The following SEMA3C variants were observed in gnomAD, a reference collection of about 807,000 sequenced individuals.
SEMA3C encodes semaphorin 3C.
Under a neutral mutation model 89.4 loss-of-function variants are expected in SEMA3C, and 47 were observed. That is an observed-to-expected ratio of 0.53 (90% CI 0.42 to 0.67). The LOEUF (loss-of-function observed/expected upper bound fraction) is 0.67, where lower values mean the gene tolerates loss of function less well. Ranked by LOEUF, SEMA3C falls within the 30% of genes least tolerant of loss-of-function variation. SEMA3C has a pLI of 0.00. For synonymous variants in SEMA3C, 310 were observed against 320.2 expected (o/e 0.97, Z 0.34); for missense variants, 839 against 929.1 (o/e 0.90, Z 1.26).
At chr7:80,789,872 G>A (rs1473598410) in intron 11 of SEMA3C, among the ~76,000 whole-genome samples, 2 of 151,998 alleles carry the variant, frequency 1.3e-5, no homozygotes, top group South Asian at 2.1e-4. Context: ...AAAAACTAGT[G>A]GACACAATCT....
chr7:80,891,316 G>C (rs958712283), intron 2 of SEMA3C, among the ~76,000 whole-genome samples: 2 of 151,998 alleles, frequency 1.3e-5, no homozygotes, highest in Non-Finnish European at 2.9e-5. Flanking sequence ...TCCTCACTTT[G>C]CAAAACCTGT....
intron 5 of SEMA3C, among the ~76,000 whole-genome samples, chr7:80,816,797 T>C (rs1035525371): frequency 3.3e-5 from 5 of 152,230 alleles, no homozygotes; most frequent in African/African-American, 1.2e-4. Context: ...GTAGTTCATA[T>C]TTAGCAAAGT....
intron 2 of SEMA3C, among the ~76,000 whole-genome samples, chr7:80,852,517 ACAAT>A (rs1281159477): frequency 6.6e-6 from 1 of 152,206 alleles, no homozygotes; most frequent in African/African-American, 2.4e-5. Context: ...CGCAAAGGAA[ACAAT>A]CAACAAAGTG....
chr7:80,746,411 G>A (rs1321175044), intron 17 of SEMA3C, among the ~76,000 whole-genome samples: 1 of 145,262 alleles, frequency 6.9e-6, no homozygotes, highest in Non-Finnish European at 1.5e-5. Context: ...AAAACAAATT[G>A]TGTATAAACA....
chr7:80,899,712 C>T (rs1022948767), intron 2 of SEMA3C, among the ~76,000 whole-genome samples: 4 of 152,068 alleles, frequency 2.6e-5, no homozygotes, highest in African/African-American at 9.7e-5. Flanking sequence ...CTTCTCAGCC[C>T]CCATCAGTCC....
chr7:80,753,882 TGA>T (rs1787993854), intron 15 of SEMA3C, among the ~76,000 whole-genome samples: 1 of 152,208 alleles, frequency 6.6e-6, no homozygotes, highest in Admixed American at 6.5e-5. Context: ...TTAAGAGACT[TGA>T]GAGTGAAAAT....
intron 2 of SEMA3C, among the ~76,000 whole-genome samples, chr7:80,876,613 A>ACACCAAATT (rs1791209392): frequency 6.6e-6 from 1 of 152,248 alleles, no homozygotes; most frequent in Non-Finnish European, 1.5e-5. Flanking sequence ...AAATAATGAG[A>ACACCAAATT]ATGTTACCAA....
intron 2 of SEMA3C, among the ~76,000 whole-genome samples, chr7:80,836,482 A>G (rs1322669345): frequency 6.6e-6 from 1 of 152,140 alleles, no homozygotes; most frequent in African/African-American, 2.4e-5. Context: ...GTTTGAGACA[A>G]GCCTGGCCAA....
Position 80,789,449 on chromosome 7 carries a change from T to C in SEMA3C, c.1211A>G (p.His404Arg), listed in dbSNP as rs1788883440. ...PDDVVTFIRN[H>R]PLMYNSIYPI... ...GTAGATGGAATTGTACATGAGAGGA[T>C]GGTTCCGAATAAAAGTGACAACATC... The change falls in exon 12 of 18, where the codon CAT (histidine) becomes CGT (arginine). Residue 404 changes from histidine to arginine, a missense_variant. By Grantham distance (29) the His-to-Arg change is conservative. Transcript: ENST00000265361. The C allele has an allele frequency of 6.2e-7, 1 of 1,613,952 alleles. No homozygotes were observed. Among genetic ancestry groups the C allele is most frequent in the Admixed American group, 1.7e-5 (1 of 59,974 alleles).
intron 12 of SEMA3C, among the ~76,000 whole-genome samples, chr7:80,788,949 A>T (rs1341630315): frequency 1.3e-5 from 2 of 152,182 alleles, no homozygotes; most frequent in Admixed American, 1.3e-4. Flanking sequence ...GACAAGAAGA[A>T]GTTTTTCACA....
intron 15 of SEMA3C, 106 bp from the exon 16 acceptor site, chr7:80,751,442 T>C: frequency 1.0e-6 from 1 of 955,704 alleles, no homozygotes; most frequent in Non-Finnish European, 1.6e-6. Flanking sequence ...ATTGCTAAGC[T>C]TTCATAAAAT....
In SEMA3C at chr7:80,744,863, A is replaced by T; in HGVS notation, c.*31T>A. On this transcript the variant is annotated 3_prime_UTR_variant, in exon 18 of 18. Transcript: ENST00000265361. Reference sequence around the variant, plus strand: ...GATCATTGAAGACAGAGCATTTGTTAATGGAAGCATAAGACCCACATAAGA... The same window carrying T: ...GATCATTGAAGACAGAGCATTTGTTTATGGAAGCATAAGACCCACATAAGA... The T allele has an allele frequency of 1.2e-6, 2 of 1,610,560 alleles. No individual in the cohort carries two copies. The highest frequency in any genetic ancestry group is 1.7e-6 in the Non-Finnish European group (2 of 1,177,338).
intron 12 of SEMA3C, among the ~76,000 whole-genome samples, chr7:80,781,546 C>T (rs545781318): frequency 2.2e-4 from 33 of 152,240 alleles, no homozygotes; most frequent in East Asian, 9.7e-4. Flanking sequence ...CTGCAAAAAC[C>T]GCCACCACAA....
chr7:80,879,206 T>C (rs1791276024), intron 2 of SEMA3C, among the ~76,000 whole-genome samples: 1 of 148,874 alleles, frequency 6.7e-6, no homozygotes, highest in Non-Finnish European at 1.5e-5. Flanking sequence ...GAAGGATTAT[T>C]AAAAAAAAAA....
Position 80,749,037 on chromosome 7 carries a change from C to A in SEMA3C, c.1712-9G>T. The stretch of plus-strand genomic sequence containing the variant: ...AGCTGCATTTCTGTATGCTAGCAGG[C>A]AAAAATAAAAGGCGAGAGAGAAAGA... On this transcript the variant is annotated splice_polypyrimidine_tract_variant and intron_variant, in intron 16 of 17. Transcript: ENST00000265361. 1.9e-6 allele frequency: 3 copies of A among 1,586,632 alleles called. No individual in the cohort carries two copies. Among genetic ancestry groups the A allele is most frequent in the Admixed American group, 1.9e-5 (1 of 53,728 alleles).
intron 2 of SEMA3C, among the ~76,000 whole-genome samples, chr7:80,858,736 A>G (rs1313418819): frequency 6.6e-6 from 1 of 152,184 alleles, no homozygotes; most frequent in Non-Finnish European, 1.5e-5. Context: ...CAAAATGCAT[A>G]CATATTAGAG....
intron 2 of SEMA3C, among the ~76,000 whole-genome samples, chr7:80,888,099 G>A (rs1348157233): frequency 2.0e-5 from 3 of 152,082 alleles, no homozygotes; most frequent in Non-Finnish European, 4.4e-5. Flanking sequence ...AATGATTCCT[G>A]AGTCTCTAGG....
intron 15 of SEMA3C, among the ~76,000 whole-genome samples, chr7:80,755,429 T>C (rs1788043355): frequency 6.7e-6 from 1 of 150,204 alleles, no homozygotes; most frequent in African/African-American, 2.5e-5. Context: ...ACTTGAGAAA[T>C]ATTATTTGTT....
chr7:80,855,640 G>A (rs549472702), intron 2 of SEMA3C, among the ~76,000 whole-genome samples: 3 of 152,162 alleles, frequency 2.0e-5, no homozygotes, highest in East Asian at 3.9e-4. Context: ...CCACATTCAC[G>A]GCAGAATCAG....
Sources: allele counts gnomAD v4.1 joint callset (sites outside exome capture counted in the v4.1 genomes callset), GRCh38; gene constraint gnomAD v4.1.1; transcripts MANE v1.5; gene names NCBI Gene and HGNC (gene_info 2026-07-23, HGNC 2026-07-21).